ZNF821: variants seen among roughly 807,000 people sequenced by gnomAD.
The protein encoded by ZNF821 is zinc finger protein 821.
In ZNF821, 16 loss-of-function variants were observed where a neutral mutation model predicts 44.3. That is an observed-to-expected ratio of 0.36 (90% confidence interval 0.24 to 0.55). The LOEUF (loss-of-function observed/expected upper bound fraction) is 0.55. Ranked by LOEUF, ZNF821 falls within the 20% of genes least tolerant of loss-of-function variation. The probability of loss-of-function intolerance (pLI) is 0.86; values close to 1 mark genes in which losing one functional copy is unlikely to be tolerated. For synonymous variants in ZNF821, 204 were observed against 197.6 expected, an observed-to-expected ratio of 1.03 and a Z score of -0.27; for missense variants, 436 against 547.6, an observed-to-expected ratio of 0.80 and a Z score of 2.03.
At chr16:71,865,304 T>C (rs764225759) in intron 4 of ZNF821, among the ~76,000 whole-genome samples, 34 of 152,186 alleles carry the variant, frequency 2.2e-4, no homozygotes, top group Non-Finnish European at 3.5e-4. Flanking sequence ...TACATGATTA[T>C]AAAAATAATC....
intron 3 of ZNF821, 28 bp downstream of exon 3, chr16:71,879,879 G>A: frequency 6.2e-7 from 1 of 1,607,866 alleles, no homozygotes; most frequent in Non-Finnish European, 8.5e-7. Flanking sequence ...GCATTCCCAG[G>A]TTCCAGAAGA....
At chr16:71,866,159 A>T (rs1235398248) in intron 4 of ZNF821, among the ~76,000 whole-genome samples, 1 of 152,072 alleles carries the variant, frequency 6.6e-6, no homozygotes, top group African/African-American at 2.4e-5. Flanking sequence ...TATAGGGCAG[A>T]GTCTCACCAG....
rs115285238 is a variant in ZNF821 at position 71,871,090 on chromosome 16, C to T, written c.41-3053G>A. ...TTCAGTTTCGTCTCCAACTTGAGCT[C>T]AAAAGTTATTTTTTTCTATTGATGT... is the stretch of plus-strand genomic sequence containing the variant. On this transcript the variant is annotated intron_variant, in intron 3 of 7. Transcript: ENST00000425432. Among the ~76,000 whole-genome samples, 583 of 152,260 alleles carry T rather than the reference C, an allele frequency of 3.8e-3. 8 individuals carry two copies. The highest frequency in any genetic ancestry group is 0.014 in the African/African-American group (566 of 41,546).
upstream of ZNF821, among the ~76,000 whole-genome samples, chr16:71,885,078 A>G (rs2036796947): frequency 6.6e-6 from 1 of 151,932 alleles, no homozygotes; most frequent in Non-Finnish European, 1.5e-5. Flanking sequence ...CTGGTCCCGA[A>G]CTCCTGACCT....
rs2036250338 is a variant in ZNF821, at chr16:71,879,892, A to C, written c.40+15T>G. 5.6e-6 allele frequency: 9 copies of C among 1,611,602 alleles called. No homozygotes were observed. Among genetic ancestry groups the C allele is most frequent in the Non-Finnish European group, 7.6e-6 (9 of 1,178,850 alleles). On this transcript the variant is annotated intron_variant, in intron 3 of 7. Coordinates refer to ENST00000425432, the MANE Select transcript of ZNF821 (RefSeq NM_001201552.2). Reference sequence around the variant, plus strand: ...TAGCATTCCCAGGTTCCAGAAGACAAAGCCCGATACTCACAGTGAACTTTA... The same window carrying C: ...TAGCATTCCCAGGTTCCAGAAGACACAGCCCGATACTCACAGTGAACTTTA...
intron 4 of ZNF821, 57 bp downstream of exon 4, chr16:71,867,855 A>T: frequency 6.6e-7 from 1 of 1,524,766 alleles, no homozygotes; most frequent in South Asian, 1.2e-5. Flanking sequence ...GAGCACACAC[A>T]CTCTGATAAT....
chr16:71,876,529 G>A lies in ZNF821; in HGVS notation c.40+3378C>T, dbSNP rs772331724. On this transcript the variant is annotated intron_variant, in intron 3 of 7. Coordinates refer to ENST00000425432, the MANE Select transcript of ZNF821 (RefSeq NM_001201552.2). ...CCACTTGTGTCTTTTATCAACCAGA[G>A]AGGAGAAACAATCCTAAACCCCTGT... Among the ~76,000 whole-genome samples, 3 of 151,994 alleles carry A rather than the reference G, an allele frequency of 2.0e-5. No individual in the cohort carries two copies. In the South Asian group the frequency reaches 6.2e-4, roughly 31 times the overall value.
In ZNF821 at chr16:71,883,934, C is replaced by G. The variant is rs938005452; in HGVS notation, c.-167G>C. The G allele has an allele frequency of 2.6e-5, 4 of 152,222 alleles. No homozygotes were observed. The highest frequency in any genetic ancestry group is 9.7e-5 in the African/African-American group (4 of 41,444). The allele number at this position is 152,222 out of a possible 1,614,324, so 9.4% of individuals were successfully genotyped here. ...CGGCGCCTCGGCGCTGCGCTGCGCT[C>G]TGGGTCCCTGGGCCCCGCCTCCGGA... On this transcript the variant is annotated 5_prime_UTR_variant, in exon 1 of 8. Coordinates refer to ENST00000425432, the MANE Select transcript of ZNF821 (RefSeq NM_001201552.2).
upstream of ZNF821, among the ~76,000 whole-genome samples, chr16:71,885,011 C>A (rs952731321): frequency 2.0e-5 from 3 of 152,134 alleles, no homozygotes; most frequent in African/African-American, 7.2e-5. Context: ...GCGTGCACCA[C>A]CACGCCCAGC....
At chr16:71,872,798 T>C (rs1462525656) in intron 3 of ZNF821, among the ~76,000 whole-genome samples, 1 of 152,228 alleles carries the variant, frequency 6.6e-6, no homozygotes, top group East Asian at 1.9e-4. Flanking sequence ...AAGCAAGTTG[T>C]GCTTTTTATA....
intron 3 of ZNF821, among the ~76,000 whole-genome samples, chr16:71,879,337 A>AT (rs549401073): frequency 2.1e-4 from 31 of 148,620 alleles, no homozygotes; most frequent in East Asian, 1.2e-3. Flanking sequence ...TTGTTTTTTA[A>AT]TTTTTTTTTT....
intron 1 of ZNF821, chr16:71,891,554 A>G (rs557947352): frequency 1.3e-5 from 2 of 152,336 alleles, no homozygotes; most frequent in Admixed American, 1.3e-4. Context: ...ACTCCCGAGT[A>G]GAAAGCAATT....
Position 71,860,316 on chromosome 16 carries a change from TC to T in ZNF821, c.940del (p.Glu314SerfsTer14). ...CCGCTGCAGCCGGCGTGCCCGCTGC[TC>T]GTCTGTCTCCTGCATGCGCTGCAAG... The part of the protein sequence containing the change: ...KRLQRMQETD[E>X]QRARRLQRDR... On this transcript the variant is annotated frameshift_variant, in exon 8 of 8. Transcript: ENST00000425432. LOFTEE classifies it high-confidence loss of function. This position sits in a 1 kb window ranked among gnomAD's most constrained non-coding sequence, Gnocchi z 7.3. The T allele has an allele frequency of 6.2e-7, 1 of 1,612,580 alleles. No homozygotes were observed. Among genetic ancestry groups the T allele is most frequent in the Non-Finnish European group, 8.5e-7 (1 of 1,179,970 alleles).
chr16:71,869,091 T>C (rs1241488707), intron 3 of ZNF821, among the ~76,000 whole-genome samples: 1 of 152,184 alleles, frequency 6.6e-6, no homozygotes, highest in Non-Finnish European at 1.5e-5. Context: ...TGCCCTTTTA[T>C]TTCCAGGAGA....
upstream of ZNF821, among the ~76,000 whole-genome samples, chr16:71,887,507 C>T (rs1348232999): frequency 1.3e-5 from 2 of 152,116 alleles, no homozygotes; most frequent in African/African-American, 2.4e-5. Context: ...GTGATCCGCC[C>T]GCCTCGGCCT....
upstream of ZNF821, among the ~76,000 whole-genome samples, chr16:71,886,989 T>C (rs1227057400): frequency 6.6e-6 from 1 of 152,256 alleles, no homozygotes; most frequent in African/African-American, 2.4e-5. Flanking sequence ...TTTTCAAGGT[T>C]CATTCATGTT....
At chr16:71,895,067 G>T in exon 1 of ZNF821, 1 of 446,724 alleles carries the variant, frequency 2.2e-6, no homozygotes, top group Admixed American at 4.0e-5. Flanking sequence ...TCAGGGATAC[G>T]CAGGCTTCGA....
intron 3 of ZNF821, among the ~76,000 whole-genome samples, chr16:71,868,848 G>C (rs533179490): frequency 6.6e-6 from 1 of 151,950 alleles, no homozygotes; most frequent in Non-Finnish European, 1.5e-5. Context: ...TTTTTTAGTA[G>C]AGACGGGGTT....
At chr16:71,888,372 C>A (rs1405330164), upstream of ZNF821, among the ~76,000 whole-genome samples, 1 of 152,052 alleles carries the variant, frequency 6.6e-6, no homozygotes. Context: ...AAAATTTACA[C>A]CTATGTTTTC....
Sources: gnomAD v4.1 joint callset for allele counts (sites outside exome capture counted in the v4.1 genomes callset) on GRCh38, gnomAD v4.1.1 for gene constraint, Gnocchi (gnomAD v3.1) non-coding constraint, MANE v1.5 for transcripts, NCBI Gene and HGNC (gene_info 2026-07-23, HGNC 2026-07-21) for gene names.